Variants in NAALADL2 observed in about 807,000 individuals in gnomAD.
NAALADL2 encodes N-acetylated alpha-linked acidic dipeptidase like 2.
NAALADL2 carries 76 observed loss-of-function variants against 87.2 expected under a neutral mutation model. That is an observed-to-expected ratio of 0.87 (90% confidence interval 0.72 to 1.05). The LOEUF (loss-of-function observed/expected upper bound fraction) is 1.05, where lower values mean the gene tolerates loss of function less well. Ranked by LOEUF, NAALADL2 falls within the 50% of genes least tolerant of loss-of-function variation. The pLI, the probability that NAALADL2 is intolerant of heterozygous loss-of-function variation, is 0.00. For synonymous variants in NAALADL2, 354 were observed against 331.0 expected (o/e 1.07, Z -0.75); for missense variants, 1,089 against 945.8 (o/e 1.15, Z -1.99).
At chr3:175,131,154 C>CT (rs757205472) in intron 2 of NAALADL2, among the ~76,000 whole-genome samples, 8,579 of 130,730 alleles carry the variant, frequency 0.066, 347 homozygotes, top group Non-Finnish European at 0.1. Context: ...GTATTTTATT[C>CT]TTTTTTTTTT....
At chr3:175,462,942 G>C (rs1331157974) in intron 6 of NAALADL2, among the ~76,000 whole-genome samples, 2 of 152,104 alleles carry the variant, frequency 1.3e-5, no homozygotes, top group Non-Finnish European at 2.9e-5. Flanking sequence ...CATTTTTAAA[G>C]TGTTAATAAA....
Position 175,718,391 on chromosome 3 carries a change from A to G in NAALADL2, c.1897-18915A>G, listed in dbSNP as rs565751524. The G allele has an allele frequency of 5.7e-6, 9 of 1,591,958 alleles. No homozygotes were observed. In the East Asian group the frequency reaches 1.8e-4, roughly 32 times the overall value. On this transcript the variant is annotated intron_variant, in intron 11 of 13. Coordinates refer to ENST00000454872, the MANE Select transcript of NAALADL2 (RefSeq NM_207015.3). The stretch of plus-strand genomic sequence containing the variant: ...GTCCACCACTCCATTAGAACTATTT[A>G]CTCCATTCATATTAATTTTTGTTAC...
chr3:175,620,962 T>G (rs1726142905), intron 10 of NAALADL2, among the ~76,000 whole-genome samples: 1 of 152,168 alleles, frequency 6.6e-6, no homozygotes, highest in South Asian at 2.1e-4. Flanking sequence ...TCTGTGAGGC[T>G]GTCTAGGGTT....
At chr3:174,840,382 A>C (rs1038209855) in intron 3 of NAALADL2, among the ~76,000 whole-genome samples, 7 of 152,138 alleles carry the variant, frequency 4.6e-5, no homozygotes. Context: ...GGTGTGCACT[A>C]GGAGTCGGAA....
At chr3:174,536,709 A>G (rs1721758650) in intron 1 of NAALADL2, 1 of 152,088 alleles carries the variant, frequency 6.6e-6, no homozygotes, top group Non-Finnish European at 1.5e-5. Flanking sequence ...GTGACCTTTT[A>G]TAAATATTTG....
At chr3:175,742,958 T>A (rs1260049656) in intron 12 of NAALADL2, among the ~76,000 whole-genome samples, 1 of 152,008 alleles carries the variant, frequency 6.6e-6, no homozygotes, top group Non-Finnish European at 1.5e-5. Context: ...GGAATAAAAG[T>A]TTTATGTCTT....
intron 1 of NAALADL2, among the ~76,000 whole-genome samples, chr3:174,471,157 T>C (rs576019832): frequency 1.2e-4 from 18 of 152,236 alleles, no homozygotes; most frequent in East Asian, 9.7e-4. Context: ...TTTTCATTTC[T>C]GTTTTCAAAA....
chr3:175,406,522 T>A (rs1365936210), intron 5 of NAALADL2, among the ~76,000 whole-genome samples: 2 of 152,196 alleles, frequency 1.3e-5, no homozygotes, highest in African/African-American at 2.4e-5. Context: ...AGGTAAAATT[T>A]CTCATTACTG....
At chr3:175,212,014 C>T (rs1741840139) in intron 2 of NAALADL2, among the ~76,000 whole-genome samples, 1 of 151,960 alleles carries the variant, frequency 6.6e-6, no homozygotes, top group Non-Finnish European at 1.5e-5. Flanking sequence ...GGATAGTTGA[C>T]ATCATTCAGA....
At chr3:174,523,486 T>C (rs1193184133) in intron 1 of NAALADL2, 1 of 152,322 alleles carries the variant, frequency 6.6e-6, no homozygotes, top group East Asian at 1.9e-4. Flanking sequence ...ACATGAATAT[T>C]CTGAAGTTTG....
chr3:175,236,747 T>C (rs1311175131), intron 3 of NAALADL2, among the ~76,000 whole-genome samples: 1 of 152,158 alleles, frequency 6.6e-6, no homozygotes, highest in Non-Finnish European at 1.5e-5. Flanking sequence ...CAAATCCACT[T>C]TCCTGTGATA....
intron 1 of NAALADL2, among the ~76,000 whole-genome samples, chr3:174,880,972 A>G (rs1729116606): frequency 6.6e-6 from 1 of 152,234 alleles, no homozygotes; most frequent in South Asian, 2.1e-4. Context: ...AATATCTGCC[A>G]CTGTCTTCAC....
At chr3:175,140,818 A>G (rs1158381389) in intron 2 of NAALADL2, among the ~76,000 whole-genome samples, 1 of 152,122 alleles carries the variant, frequency 6.6e-6, no homozygotes, top group East Asian at 1.9e-4. Flanking sequence ...AACAGAGGGA[A>G]GATGTTGAGT....
intron 1 of NAALADL2, among the ~76,000 whole-genome samples, chr3:175,067,406 C>A (rs929178542): frequency 6.6e-6 from 1 of 151,998 alleles, no homozygotes; most frequent in Non-Finnish European, 1.5e-5. Context: ...AAGCAAACAA[C>A]AACAACAGAC....
intron 9 of NAALADL2, among the ~76,000 whole-genome samples, chr3:175,475,024 T>TCAC (rs1376680590): frequency 2.0e-5 from 3 of 149,718 alleles, no homozygotes; most frequent in Admixed American, 2.0e-4. Flanking sequence ...AACATTTAAG[T>TCAC]ACACACACAC....
At chr3:175,585,205 A>G (rs1047072746) in intron 10 of NAALADL2, among the ~76,000 whole-genome samples, 1 of 151,928 alleles carries the variant, frequency 6.6e-6, no homozygotes, top group African/African-American at 2.4e-5. Flanking sequence ...AGACACACAC[A>G]CTAACCGAGG....
At chr3:175,578,771 T>A (rs1719293212) in intron 10 of NAALADL2, among the ~76,000 whole-genome samples, 3 of 152,222 alleles carry the variant, frequency 2.0e-5, no homozygotes, top group African/African-American at 7.2e-5. Context: ...ATATATTTTG[T>A]TTGACCTATA....
chr3:174,982,909 T>C (rs907577440), intron 1 of NAALADL2, among the ~76,000 whole-genome samples: 5 of 152,158 alleles, frequency 3.3e-5, no homozygotes, highest in African/African-American at 1.2e-4. Context: ...GCCATTCTCC[T>C]GCCTCAGCCT....
chr3:174,950,571 A>G (rs1342662337), intron 1 of NAALADL2, among the ~76,000 whole-genome samples: 1 of 152,138 alleles, frequency 6.6e-6, no homozygotes, highest in African/African-American at 2.4e-5. Flanking sequence ...TACTTTTGAA[A>G]TGTTTTTGAA....
Sources: allele counts gnomAD v4.1 joint callset (sites outside exome capture counted in the v4.1 genomes callset), GRCh38; gene constraint gnomAD v4.1.1; transcripts MANE v1.5; gene names NCBI Gene and HGNC (gene_info 2026-07-23, HGNC 2026-07-21).